Variants in FGD5 observed in about 807,000 individuals in gnomAD.
FGD5 encodes FYVE, RhoGEF and PH domain-containing protein 5.
Under a neutral mutation model 133.4 loss-of-function variants are expected in FGD5, and 28 were observed. The observed-to-expected ratio is 0.21, with a 90% CI of 0.16 to 0.29. The LOEUF (loss-of-function observed/expected upper bound fraction) is 0.29. Ranked by LOEUF, FGD5 falls within the 10% of genes least tolerant of loss-of-function variation. The pLI is 1.00. For synonymous variants in FGD5, 810 were observed against 776.5 expected, an observed-to-expected ratio of 1.04 and a Z score of -0.72; for missense variants, 1,858 against 1,895.2, an observed-to-expected ratio of 0.98 and a Z score of 0.36.
intron 1 of FGD5, among the ~76,000 whole-genome samples, chr3:14,829,751 A>G (rs2036670200): frequency 6.6e-6 from 1 of 152,206 alleles, no homozygotes; most frequent in African/African-American, 2.4e-5. Flanking sequence ...GACCGAGAAT[A>G]GCGACTGCCA....
At chr3:14,849,645 A>G (rs1411931911) in intron 1 of FGD5, among the ~76,000 whole-genome samples, 4 of 152,166 alleles carry the variant, frequency 2.6e-5, no homozygotes, top group African/African-American at 9.7e-5. Flanking sequence ...TGCTCAGCTC[A>G]GTGCTTAATA....
chr3:14,910,713 CT>C, intron 10 of FGD5, 147 bp from the exon 11 acceptor site: 1 of 652,492 alleles, frequency 1.5e-6, no homozygotes, highest in Non-Finnish European at 2.6e-6. Context: ...CTCTGGGAGG[CT>C]TTATGATTTA....
At chr3:14,896,457 G>T (rs986381839) in intron 4 of FGD5, among the ~76,000 whole-genome samples, 1 of 151,806 alleles carries the variant, frequency 6.6e-6, no homozygotes, top group Non-Finnish European at 1.5e-5. Context: ...ACAGACTAGA[G>T]AACCCAGATG....
At chr3:14,921,467 G>T (rs2038679047) in intron 13 of FGD5, 1 of 178,192 alleles carries the variant, frequency 5.6e-6, no homozygotes, top group East Asian at 1.4e-4. Context: ...AAGCTATGTG[G>T]GGAGATGAGG....
At position 14,924,121 on chromosome 3, in the gene FGD5, C is replaced by G; in HGVS notation, c.4051C>G (p.Pro1351Ala). 6.2e-7 allele frequency: 1 copy of G among 1,613,956 alleles called. No individual in the cohort carries two copies. Among genetic ancestry groups the G allele is most frequent in the South Asian group, 1.1e-5 (1 of 91,080 alleles). ...GACCTTCAAGAAGCAGAAGAAAGTC[C>G]CTTCAGCCCTGACAGAGGTAAAGCA... ...PSTFKKQKKV[P>A]SALTEVAASG... Residue 1351 changes from proline to alanine, a missense_variant, in exon 17 of 20, where the codon CCT (proline) becomes GCT (alanine). This residue lies in a region of FGD5 where 1,824 missense variants were observed against 1,848.9 expected (regional missense o/e 0.99). Transcript: ENST00000285046.
chr3:14,810,855 G>A, exon 1 of FGD5: 2 of 985,112 alleles, frequency 2.0e-6, no homozygotes, highest in Non-Finnish European at 2.4e-6. Flanking sequence ...CGCTGAAGAT[G>A]AACAGAGCAG....
Position 14,820,565 on chromosome 3 carries a change from T to C in FGD5, c.1494T>C (p.Pro498=), listed in dbSNP as rs765102758. The C allele has an allele frequency of 6.2e-7, 1 of 1,612,068 alleles. No individual in the cohort carries two copies. The highest frequency in any genetic ancestry group is 1.1e-5 in the South Asian group (1 of 90,858). The change falls in exon 1 of 20, where the codon CCT becomes CCC. Residue 498 remains proline, a synonymous_variant. Transcript: ENST00000285046. Reference sequence around the variant, plus strand: ...CCGGCTATGTCCCAGAAACCGTCCCTGAAGAAACCGGACCTGAGGCGGGCT... The same window carrying C: ...CCGGCTATGTCCCAGAAACCGTCCCCGAAGAAACCGGACCTGAGGCGGGCT... ...KVAGYVPETV[P]EETGPEAGSS... is the part of the protein sequence containing the mutation.
intron 1 of FGD5, among the ~76,000 whole-genome samples, chr3:14,858,831 G>A (rs1003656243): frequency 2.0e-5 from 3 of 152,236 alleles, no homozygotes; most frequent in African/African-American, 4.8e-5. Flanking sequence ...GTCTGTCACA[G>A]CATTTGGGAA....
intron 9 of FGD5, 104 bp from the exon 10 acceptor site, chr3:14,907,536 C>A: frequency 9.2e-7 from 1 of 1,083,982 alleles, no homozygotes. Context: ...CCTTTCCGGG[C>A]TTCATTTTTG....
chr3:14,817,147 AATG>A (rs997861707), upstream of FGD5, among the ~76,000 whole-genome samples: 2 of 152,372 alleles, frequency 1.3e-5, no homozygotes, highest in Non-Finnish European at 2.9e-5. Flanking sequence ...TACATATTGA[AATG>A]ATAATATTTG....
At chr3:14,908,855 G>A (rs1468732506) in intron 10 of FGD5, among the ~76,000 whole-genome samples, 1 of 151,206 alleles carries the variant, frequency 6.6e-6, no homozygotes, top group Non-Finnish European at 1.5e-5. Context: ...ACTCCAGCCC[G>A]GGCGACAGTG....
chr3:14,837,984 G>C (rs1054508411), intron 1 of FGD5, among the ~76,000 whole-genome samples: 4 of 152,218 alleles, frequency 2.6e-5, no homozygotes, highest in Admixed American at 2.0e-4. Context: ...CTGTGGGTCA[G>C]CAGTCTAGTG....
Position 14,917,108 on chromosome 3 carries a change from G to A in FGD5, c.3406-141G>A, listed in dbSNP as rs765823661. On this transcript the variant is annotated intron_variant, in intron 11 of 19. Coordinates refer to ENST00000285046, the MANE Select transcript of FGD5 (RefSeq NM_152536.4). This position sits in a 1 kb window ranked among gnomAD's most constrained non-coding sequence, Gnocchi z 4.1. ...CAAGGAAGGGGCTCACATTTTGGCC[G>A]CAACGTTTTTGCTCACCTGTGGGGG... 57 of 616,620 alleles carry A rather than the reference G, an allele frequency of 9.2e-5. No individual in the cohort carries two copies. The highest frequency in any genetic ancestry group is 7.5e-5 in the African/African-American group (4 of 53,236). The allele number at this position is 616,620 out of a possible 1,614,324, so 38.2% of individuals were successfully genotyped here.
intron 1 of FGD5, among the ~76,000 whole-genome samples, chr3:14,836,270 GCTC>G (rs2036815743): frequency 6.6e-6 from 1 of 152,246 alleles, no homozygotes; most frequent in African/African-American, 2.4e-5. Flanking sequence ...CGCCCGGGAA[GCTC>G]CTTGTAGATG....
chr3:14,880,273 G>T (rs1416572549), intron 2 of FGD5, among the ~76,000 whole-genome samples: 1 of 152,136 alleles, frequency 6.6e-6, no homozygotes, highest in Non-Finnish European at 1.5e-5. Context: ...AGGATCGCTT[G>T]AGCCTGAGAA....
upstream of FGD5, among the ~76,000 whole-genome samples, chr3:14,814,275 G>T (rs943036225): frequency 6.6e-6 from 1 of 152,080 alleles, no homozygotes; most frequent in Non-Finnish European, 1.5e-5. Flanking sequence ...CTATAGTTTC[G>T]CCCTACCATA....
chr3:14,829,176 C>A (rs1042702557), intron 1 of FGD5, among the ~76,000 whole-genome samples: 1 of 151,984 alleles, frequency 6.6e-6, no homozygotes, highest in Non-Finnish European at 1.5e-5. Flanking sequence ...TCTGGAGAGT[C>A]GAAAGGATCT....
At chr3:14,882,949 T>C (rs1465137821) in intron 4 of FGD5, among the ~76,000 whole-genome samples, 2 of 152,102 alleles carry the variant, frequency 1.3e-5, no homozygotes, top group Non-Finnish European at 2.9e-5. Flanking sequence ...CTCTTAGAGA[T>C]TGGTGCTGTC....
At chr3:14,828,820 CTTT>C (rs59960841) in intron 1 of FGD5, among the ~76,000 whole-genome samples, 11 of 124,072 alleles carry the variant, frequency 8.9e-5, no homozygotes, top group African/African-American at 2.4e-4. Flanking sequence ...AGGTGGGTCT[CTTT>C]TTTTTTTTTT....
Sources: gnomAD v4.1 joint callset for allele counts (sites outside exome capture counted in the v4.1 genomes callset) on GRCh38, gnomAD v4.1.1 for gene constraint, gnomAD v4.1.1 regional missense constraint, Gnocchi (gnomAD v3.1) non-coding constraint, MANE v1.5 for transcripts, NCBI Gene and HGNC (gene_info 2026-07-23, HGNC 2026-07-21) for gene names.